Variants in ANGPT1 observed in about 807,000 individuals in gnomAD.
ANGPT1 encodes angiopoietin 1, also known as angiopoietin-1.
Under a neutral mutation model 62.2 loss-of-function variants are expected in ANGPT1, and 17 were observed. The ratio of observed to expected loss-of-function variants is 0.27; its 90% CI spans 0.19 to 0.41. The LOEUF is 0.41. Among genes scored for constraint, ANGPT1 ranks in the 10% least tolerant of loss-of-function variants. The pLI is 1.00. For missense variants in ANGPT1, 478 were observed against 594.9 expected (o/e 0.80, Z 2.04); for synonymous variants, 199 against 198.9 (o/e 1.00, Z 0.00).
chr8:107,437,058 T>C (rs2959354), intron 1 of ANGPT1, among the ~76,000 whole-genome samples: 127,974 of 151,930 alleles, frequency 0.84, 54,001 homozygotes, highest in East Asian at 0.88. Flanking sequence ...CACCAGGAAC[T>C]GCTGGTTGGG....
At chr8:107,451,140 A>G (rs1019443405) in intron 1 of ANGPT1, among the ~76,000 whole-genome samples, 1 of 151,890 alleles carries the variant, frequency 6.6e-6, no homozygotes, top group Non-Finnish European at 1.5e-5. Context: ...AAAAAATACT[A>G]TACTACCAGA....
At chr8:107,330,757 T>G (rs1449546175) in intron 3 of ANGPT1, among the ~76,000 whole-genome samples, 3 of 152,006 alleles carry the variant, frequency 2.0e-5, no homozygotes, top group African/African-American at 7.3e-5. Flanking sequence ...ATGGAATTGA[T>G]AGCATCAACA....
intron 1 of ANGPT1, among the ~76,000 whole-genome samples, chr8:107,437,294 C>A (rs965280458): frequency 3.9e-5 from 6 of 152,118 alleles, no homozygotes; most frequent in Non-Finnish European, 5.9e-5. Context: ...TTCGTTTCTC[C>A]TTGACTCTAC....
At position 107,427,617 on chromosome 8, in the gene ANGPT1, T is replaced by A. The variant is rs182397436; in HGVS notation, c.297+69645A>T. Among the ~76,000 whole-genome samples, 45 of 152,278 alleles carry A rather than the reference T, an allele frequency of 3.0e-4. 1 individual carries two copies. Among genetic ancestry groups the A allele is most frequent in the Admixed American group, 2.7e-3 (41 of 15,304 alleles). On this transcript the variant is annotated intron_variant, in intron 1 of 8. Transcript: ENST00000517746. ...ATAACATTTCTGTTTGATTCTCCCC[T>A]CCCTTTGTCCAAGTAAGATCTTCCA...
intron 2 of ANGPT1, among the ~76,000 whole-genome samples, chr8:107,343,382 G>A (rs533931279): frequency 3.9e-5 from 6 of 152,270 alleles, no homozygotes; most frequent in East Asian, 1.9e-4. Context: ...CAAGGCAGCC[G>A]TGCAACAGTT....
intron 1 of ANGPT1, among the ~76,000 whole-genome samples, chr8:107,492,218 C>T (rs1175274359): frequency 2.0e-5 from 3 of 152,166 alleles, no homozygotes; most frequent in Non-Finnish European, 2.9e-5. Context: ...TTTAAAAGAT[C>T]ATTATTTCTA....
At chr8:107,489,649 A>T (rs2130538396) in intron 1 of ANGPT1, among the ~76,000 whole-genome samples, 1 of 152,326 alleles carries the variant, frequency 6.6e-6, no homozygotes, top group Non-Finnish European at 1.5e-5. Context: ...TATAGATCCT[A>T]CATGGAAATA....
chr8:107,344,183 G>T (rs1007269702), intron 2 of ANGPT1, among the ~76,000 whole-genome samples: 8 of 152,140 alleles, frequency 5.3e-5, no homozygotes, highest in Non-Finnish European at 8.8e-5. Flanking sequence ...GGCAAGCATG[G>T]ATTATTAGAG....
chr8:107,389,956 C>T (rs1356336039), intron 1 of ANGPT1, among the ~76,000 whole-genome samples: 4 of 75,586 alleles, frequency 5.3e-5, no homozygotes, highest in African/African-American at 3.5e-4. Flanking sequence ...AAAAATCATG[C>T]TGCAGTAAGC....
At chr8:107,417,407 T>A (rs887189817) in intron 1 of ANGPT1, among the ~76,000 whole-genome samples, 1 of 152,122 alleles carries the variant, frequency 6.6e-6, no homozygotes, top group Admixed American at 6.6e-5. Flanking sequence ...CTAACTATTA[T>A]CTGGAACTCT....
chr8:107,368,485 T>C (rs970429640), intron 1 of ANGPT1, among the ~76,000 whole-genome samples: 1 of 47,744 alleles, frequency 2.1e-5, no homozygotes, highest in Non-Finnish European at 5.3e-5. Flanking sequence ...ATATTCCTTA[T>C]ACTTATTTAT....
At chr8:107,392,647 G>A (rs1816857529) in intron 1 of ANGPT1, among the ~76,000 whole-genome samples, 1 of 152,000 alleles carries the variant, frequency 6.6e-6, no homozygotes, top group Non-Finnish European at 1.5e-5. Context: ...TTGGATATAT[G>A]TGGCTTCTGA....
intron 5 of ANGPT1, among the ~76,000 whole-genome samples, chr8:107,301,837 C>T (rs946001896): frequency 4.0e-5 from 6 of 151,842 alleles, no homozygotes; most frequent in African/African-American, 1.2e-4. Context: ...CTATTCATTA[C>T]GGAAATCAAG....
At chr8:107,394,353 G>A (rs766838599) in intron 1 of ANGPT1, among the ~76,000 whole-genome samples, 5 of 152,190 alleles carry the variant, frequency 3.3e-5, no homozygotes, top group Admixed American at 1.3e-4. Context: ...AGAGACCAGA[G>A]GTAAGAGGCA....
intron 5 of ANGPT1, chr8:107,294,723 T>C (rs1291772220): frequency 2.6e-5 from 4 of 152,200 alleles, no homozygotes; most frequent in African/African-American, 9.6e-5. Context: ...TTTATACAAA[T>C]CTTTCAAAGA....
intron 1 of ANGPT1, among the ~76,000 whole-genome samples, chr8:107,392,651 C>T (rs1586284441): frequency 1.3e-5 from 2 of 152,194 alleles, no homozygotes; most frequent in South Asian, 2.1e-4. Flanking sequence ...ATATATGTGG[C>T]TTCTGAGTCT....
intron 1 of ANGPT1, among the ~76,000 whole-genome samples, chr8:107,351,509 C>A (rs1211860257): frequency 6.6e-6 from 1 of 151,850 alleles, no homozygotes; most frequent in Non-Finnish European, 1.5e-5. Context: ...GATTAGTTGA[C>A]TGATAATTTC....
intron 7 of ANGPT1, among the ~76,000 whole-genome samples, chr8:107,278,328 C>G (rs552119091): frequency 6.6e-6 from 1 of 152,128 alleles, no homozygotes; most frequent in Non-Finnish European, 1.5e-5. Context: ...AAGCAGTCCT[C>G]CCACTTTGGC....
At chr8:107,378,257 T>C (rs1339723131) in intron 1 of ANGPT1, among the ~76,000 whole-genome samples, 1 of 152,200 alleles carries the variant, frequency 6.6e-6, no homozygotes, top group Non-Finnish European at 1.5e-5. Flanking sequence ...TTAGGAACCA[T>C]ATATTTTAAT....
Sources: allele counts gnomAD v4.1 joint callset (sites outside exome capture counted in the v4.1 genomes callset), GRCh38; gene constraint gnomAD v4.1.1; transcripts MANE v1.5; gene names NCBI Gene and HGNC (gene_info 2026-07-23, HGNC 2026-07-21).